The following ABCA8 variants were observed in gnomAD, a reference collection of about 807,000 sequenced individuals.
ABCA8 encodes the protein ATP binding cassette subfamily A member 8.
A neutral mutation model predicts 192.3 loss-of-function variants in ABCA8; 177 were observed. That is an observed-to-expected ratio of 0.92 (90% CI 0.81 to 1.04). ABCA8 has a LOEUF of 1.04. Ranked by LOEUF, ABCA8 falls within the 50% of genes least tolerant of loss-of-function variation. The pLI is 0.00. For missense variants in ABCA8, 1,915 were observed against 1,904.8 expected (o/e 1.01, Z -0.10); for synonymous variants, 642 against 690.2 (o/e 0.93, Z 1.09).
intron 29 of ABCA8, 144 bp from the exon 30 acceptor site, chr17:68,882,863 C>G (rs746629335): frequency 1.8e-4 from 117 of 649,366 alleles, no homozygotes; most frequent in Non-Finnish European, 2.5e-4. Flanking sequence ...CCCCTTAAAA[C>G]CTCCTTGCTT....
rs527257636 is a variant in ABCA8, at chr17:68,911,856, C to T, written c.2139-3977G>A. On this transcript the variant is annotated intron_variant, in intron 17 of 39. Transcript: ENST00000586539. The surrounding 1 kb of genome is among the most constrained non-coding windows in gnomAD (Gnocchi z 5.7). ...CTCCAAGAGCACCAAAGTGGTACGT[C>T]GAAGAGTCTGCAAGAATCACCATGT... Among the ~76,000 whole-genome samples the T allele has an allele frequency of 2.0e-5, 3 of 152,080 alleles. No individual in the cohort carries two copies. The highest frequency in any genetic ancestry group is 2.9e-5 in the Non-Finnish European group (2 of 68,016).
At chr17:68,907,935 C>G in intron 17 of ABCA8, 56 bp from the exon 18 acceptor site, 3 of 1,450,522 alleles carry the variant, frequency 2.1e-6, no homozygotes, top group Non-Finnish European at 2.7e-6. Flanking sequence ...TCTCCAATAG[C>G]AAGAAAATAA....
Position 68,922,213 on chromosome 17 carries a change from TTTTTTTTTTTTTTTTTTTTTTTTTTTAC to T in ABCA8, c.1501+1_1501+28del. 1.1e-5 allele frequency: 1 copy of T among 94,602 alleles called. No individual in the cohort carries two copies. Among genetic ancestry groups the T allele is most frequent in the Non-Finnish European group, 1.9e-5 (1 of 53,258 alleles). 5.9% of individuals were successfully genotyped at this position (94,602 alleles called of 1,614,324 possible). A position where few individuals can be genotyped will look rare whatever the true frequency, so the allele number is the denominator to read the frequency against. On this transcript the variant is annotated splice_donor_variant and splice_donor_5th_base_variant and intron_variant, in intron 12 of 39. Transcript: ENST00000586539. LOFTEE classifies it high-confidence loss of function. Reference sequence around the variant, plus strand: ...CTCTCTCTTTTTTTTTTTTTTTTTTTTTTTTTTTTTTTTTTTTTTTTTTTTTACCTTTCAAGGCTTCTATTTTATCAGG... The same window carrying T: ...CTCTCTCTTTTTTTTTTTTTTTTTTTCTTTCAAGGCTTCTATTTTATCAGG...
Position 68,947,339 on chromosome 17 carries a change from C to T in ABCA8, c.-6+1973G>A, listed in dbSNP as rs577133603. ...ATTTGTCATAAGGTATTTTTAAATACTACTTAATTGAATTTGCCAATATTT... is the reference window on the plus strand; with the variant it reads ...ATTTGTCATAAGGTATTTTTAAATATTACTTAATTGAATTTGCCAATATTT... On this transcript the variant is annotated intron_variant, in intron 2 of 39. Coordinates refer to ENST00000586539, the MANE Select transcript of ABCA8 (RefSeq NM_001288985.2). 2.6e-5 allele frequency among the ~76,000 whole-genome samples: 4 copies of T among 152,182 alleles called. No homozygotes were observed. In the East Asian group the frequency reaches 7.7e-4, roughly 29 times the overall value.
At chr17:68,905,028 G>T (rs569090972) in intron 19 of ABCA8, among the ~76,000 whole-genome samples, 1 of 152,348 alleles carries the variant, frequency 6.6e-6, no homozygotes, top group African/African-American at 2.4e-5. Flanking sequence ...CTAAGGGAAA[G>T]ACCTGATTCT....
intron 24 of ABCA8, among the ~76,000 whole-genome samples, chr17:68,889,991 A>G (rs1450343601): frequency 2.0e-5 from 3 of 152,178 alleles, no homozygotes; most frequent in Non-Finnish European, 4.4e-5. Context: ...GTTGGCTGTT[A>G]TGATTAATGC....
intron 2 of ABCA8, among the ~76,000 whole-genome samples, chr17:68,944,359 T>TACACACAC (rs3046797): frequency 1.3e-4 from 9 of 69,482 alleles, no homozygotes; most frequent in African/African-American, 4.9e-4. Context: ...TATATATATA[T>TACACACAC]ACACATATAC....
At chr17:68,882,332 C>G (rs868831903) in intron 30 of ABCA8, among the ~76,000 whole-genome samples, 4 of 152,212 alleles carry the variant, frequency 2.6e-5, no homozygotes, top group Non-Finnish European at 5.9e-5. Context: ...TTGTACTGTG[C>G]ACTTTCTCCA....
chr17:68,897,448 C>T (rs552748494), intron 21 of ABCA8, among the ~76,000 whole-genome samples: 1 of 152,076 alleles, frequency 6.6e-6, no homozygotes, highest in South Asian at 2.1e-4. Flanking sequence ...ATGAGACATG[C>T]TAAAAAATAA....
chr17:68,894,332 A>G (rs916112367), intron 22 of ABCA8, 22 bp from the exon 23 acceptor site: 8 of 1,573,954 alleles, frequency 5.1e-6, no homozygotes, highest in South Asian at 4.7e-5. Flanking sequence ...CAAGTAGGAT[A>G]TAAGTTCTCA....
chr17:68,929,471 A>G lies in ABCA8; in HGVS notation c.939+90T>C, dbSNP rs1303728288. 5.8e-6 allele frequency: 8 copies of G among 1,376,798 alleles called. No individual in the cohort carries two copies. The East Asian group carries it at 9.3e-5, about 16-fold the overall frequency. The allele number at this position is 1,376,798 out of a possible 1,614,324, so 85.3% of individuals were successfully genotyped here. A position where few individuals can be genotyped will look rare whatever the true frequency, so the allele number is the denominator to read the frequency against. ...TTTCACATGCAAACAGAGTAGGTAG[A>G]AAAAAAAGGAGGCATACAGAGTAAT... On this transcript the variant is annotated intron_variant, in intron 8 of 39. Transcript: ENST00000586539.
chr17:68,943,449 A>G (rs543512875), intron 2 of ABCA8, among the ~76,000 whole-genome samples: 3 of 152,310 alleles, frequency 2.0e-5, no homozygotes, highest in East Asian at 1.9e-4. Flanking sequence ...CCACATTCTC[A>G]TCTATAACCA....
chr17:68,887,933 G>A (rs1468405523), intron 24 of ABCA8, among the ~76,000 whole-genome samples: 8 of 74,030 alleles, frequency 1.1e-4, no homozygotes, highest in Admixed American at 3.0e-4. Context: ...TATTATATAT[G>A]GATATATATA....
intron 35 of ABCA8, 101 bp downstream of exon 35, chr17:68,876,359 T>C (rs962048452): frequency 7.2e-6 from 10 of 1,382,302 alleles, no homozygotes; most frequent in Non-Finnish European, 1.0e-5. Flanking sequence ...TTTTTTGTTC[T>C]CCACAAAAGA....
At chr17:68,951,140 C>A (rs1202530716) in intron 1 of ABCA8, among the ~76,000 whole-genome samples, 3 of 152,154 alleles carry the variant, frequency 2.0e-5, no homozygotes, top group African/African-American at 7.2e-5. Flanking sequence ...ACTGCAGACA[C>A]CACACTACAA....
chr17:68,876,932 C>G (rs1474131565), intron 33 of ABCA8, among the ~76,000 whole-genome samples: 1 of 152,082 alleles, frequency 6.6e-6, no homozygotes, highest in African/African-American at 2.4e-5. Context: ...AATAGTTGTT[C>G]TATGACAGTC....
intron 32 of ABCA8, chr17:68,880,799 G>A: frequency 2.9e-6 from 1 of 343,814 alleles, no homozygotes; most frequent in South Asian, 3.0e-5. Flanking sequence ...TGGGATCCAG[G>A]CTGGTGGCAT....
Position 68,867,959 on chromosome 17 carries a change from TC to T in ABCA8, c.*125del. ...CTTACCCAGCACCCGAACCTCCTCC[TC>T]CCACCACACGGAGAACCATTTCTGT... is the stretch of plus-strand genomic sequence containing the variant. On this transcript the variant is annotated 3_prime_UTR_variant, in exon 40 of 40. Coordinates refer to ENST00000586539, the MANE Select transcript of ABCA8 (RefSeq NM_001288985.2). The T allele has an allele frequency of 1.3e-6, 1 of 783,834 alleles. No individual in the cohort carries two copies. Among genetic ancestry groups the T allele is most frequent in the South Asian group, 2.0e-5 (1 of 50,670 alleles). 48.6% of individuals were successfully genotyped at this position (783,834 alleles called of 1,614,324 possible).
intron 24 of ABCA8, 88 bp from the exon 25 acceptor site, chr17:68,887,594 T>G: frequency 9.0e-7 from 1 of 1,111,392 alleles, no homozygotes; most frequent in South Asian, 1.8e-5. Context: ...CCTTTATTTG[T>G]AACAATTCTA....
Sources: allele counts gnomAD v4.1 joint callset (sites outside exome capture counted in the v4.1 genomes callset), GRCh38; gene constraint gnomAD v4.1.1; non-coding constraint Gnocchi (gnomAD v3.1); transcripts MANE v1.5; gene names NCBI Gene and HGNC (gene_info 2026-07-23, HGNC 2026-07-21).